Variants in DDR2 observed in about 807,000 individuals in gnomAD.
The protein encoded by DDR2 is discoidin domain receptor tyrosine kinase 2.
In DDR2, 27 loss-of-function variants were observed where a neutral mutation model predicts 94.9. That is an observed-to-expected ratio of 0.28 (90% CI 0.21 to 0.39). The LOEUF is 0.39. Ranked by LOEUF, DDR2 falls within the 10% of genes least tolerant of loss-of-function variation. The probability of loss-of-function intolerance (pLI) is 1.00; values close to 1 mark genes in which losing one functional copy is unlikely to be tolerated. For synonymous variants in DDR2, 382 were observed against 377.2 expected, an observed-to-expected ratio of 1.01 and a Z score of -0.15; for missense variants, 783 against 1,076.0, an observed-to-expected ratio of 0.73 and a Z score of 3.81.
chr1:162,692,399 A>G (rs953043550), intron 2 of DDR2, among the ~76,000 whole-genome samples: 1 of 152,224 alleles, frequency 6.6e-6, no homozygotes, highest in Admixed American at 6.5e-5. Context: ...AGTCAGAGGA[A>G]CTGTTTGGAA....
At chr1:162,694,886 C>T (rs554472271) in intron 2 of DDR2, among the ~76,000 whole-genome samples, 2 of 152,150 alleles carry the variant, frequency 1.3e-5, no homozygotes, top group Admixed American at 6.5e-5. Context: ...CATAATTTCT[C>T]AGACACAGAA....
intron 1 of DDR2, among the ~76,000 whole-genome samples, chr1:162,652,326 G>C (rs1192444392): frequency 6.6e-6 from 1 of 152,200 alleles, no homozygotes; most frequent in Non-Finnish European, 1.5e-5. Context: ...AGATTGGAAA[G>C]CTGAAACAGA....
chr1:162,656,162 C>A (rs548917710), intron 2 of DDR2, among the ~76,000 whole-genome samples: 1 of 152,146 alleles, frequency 6.6e-6, no homozygotes, highest in Non-Finnish European at 1.5e-5. Context: ...TGTCTGAGAC[C>A]TTCCCAGCCT....
At chr1:162,733,913 T>G (rs763765093) in intron 3 of DDR2, among the ~76,000 whole-genome samples, 1 of 152,210 alleles carries the variant, frequency 6.6e-6, no homozygotes, top group Non-Finnish European at 1.5e-5. Flanking sequence ...GTATTTTCCA[T>G]AGCTTCGTCA....
chr1:162,634,920 T>C (rs984176643), intron 1 of DDR2, among the ~76,000 whole-genome samples: 1 of 152,150 alleles, frequency 6.6e-6, no homozygotes, highest in Non-Finnish European at 1.5e-5. Flanking sequence ...ATCCTTTCCC[T>C]GGCATTCCCT....
rs572477441 is a variant in DDR2, at chr1:162,735,827, C to T, written c.82+16682C>T. On this transcript the variant is annotated intron_variant, in intron 3 of 17. Coordinates refer to ENST00000367921, the MANE Select transcript of DDR2 (RefSeq NM_006182.4). ...TAGCTCTGATAAAACTCCTTAGTTG[C>T]CATTCTCAGAATGAGCAGTACGTTA... Among the ~76,000 whole-genome samples, 3 of 152,352 alleles carry T rather than the reference C, an allele frequency of 2.0e-5. No homozygotes were observed. The South Asian group carries it at 6.2e-4, about 32-fold the overall frequency.
chr1:162,678,431 A>C (rs1347339666), intron 2 of DDR2, among the ~76,000 whole-genome samples: 1 of 152,232 alleles, frequency 6.6e-6, no homozygotes, highest in Non-Finnish European at 1.5e-5. Flanking sequence ...GGTCTGTCCT[A>C]CCTGATGTGT....
chr1:162,772,390 T>C lies in DDR2; in HGVS notation c.1728+143T>C, dbSNP rs1704762. 876,392 of 887,354 alleles carry C rather than the reference T, an allele frequency of 0.99. 433,478 individuals are homozygous for C. The highest frequency in any genetic ancestry group is 1 in the East Asian group (37,789 of 37,790). The allele number at this position is 887,354 out of a possible 1,614,324, so 55.0% of individuals were successfully genotyped here. ...CTCTCCTTGCATTGTCCTCTGGATT[T>C]CAGTATTGGGTCAACCTAATCTTTG... On this transcript the variant is annotated intron_variant, in intron 13 of 17. Transcript: ENST00000367921.
At chr1:162,755,040 A>G in intron 5 of DDR2, 116 bp from the exon 6 acceptor site, 1 of 1,481,148 alleles carries the variant, frequency 6.8e-7, no homozygotes, top group South Asian at 1.2e-5. Context: ...AAAGCAGAGT[A>G]GATGCATTCT....
At chr1:162,758,420 A>T (rs1362504630) in intron 7 of DDR2, among the ~76,000 whole-genome samples, 1 of 152,200 alleles carries the variant, frequency 6.6e-6, no homozygotes, top group Non-Finnish European at 1.5e-5. Flanking sequence ...TTATTTTCTT[A>T]TCCCTTCTTC....
intron 3 of DDR2, among the ~76,000 whole-genome samples, chr1:162,740,270 G>T (rs1662524252): frequency 6.6e-6 from 1 of 152,118 alleles, no homozygotes; most frequent in Non-Finnish European, 1.5e-5. Context: ...AGAGAAAGGA[G>T]GCATTCATTG....
intron 17 of DDR2, among the ~76,000 whole-genome samples, chr1:162,779,231 T>C (rs1217393170): frequency 6.6e-6 from 1 of 152,168 alleles, no homozygotes; most frequent in Non-Finnish European, 1.5e-5. Context: ...GGCCCAGTAT[T>C]GTGACATCTC....
At chr1:162,778,887 C>A (rs1165950045) in intron 17 of DDR2, among the ~76,000 whole-genome samples, 158 bp downstream of exon 17, 1 of 152,144 alleles carries the variant, frequency 6.6e-6, no homozygotes, top group Non-Finnish European at 1.5e-5. Context: ...AGACCAGTAT[C>A]CTCCCCAGGC....
At chr1:162,665,493 C>G (rs192817141) in intron 2 of DDR2, among the ~76,000 whole-genome samples, 1 of 152,080 alleles carries the variant, frequency 6.6e-6, no homozygotes, top group African/African-American at 2.4e-5. Context: ...TTGACCCTTC[C>G]TAGCTCATGT....
At chr1:162,741,273 A>G (rs2805030) in intron 3 of DDR2, among the ~76,000 whole-genome samples, 77,059 of 112,494 alleles carry the variant, frequency 0.69, 26,097 homozygotes, top group Non-Finnish European at 0.77. Context: ...GTAATATAAT[A>G]TAATATAATA....
At chr1:162,681,578 T>A (rs1659401971) in intron 2 of DDR2, among the ~76,000 whole-genome samples, 2 of 152,150 alleles carry the variant, frequency 1.3e-5, no homozygotes, top group Non-Finnish European at 2.9e-5. Context: ...GGCTGGGAAA[T>A]CCTAGATCAA....
chr1:162,648,728 A>G (rs141733580), intron 1 of DDR2, among the ~76,000 whole-genome samples: 181 of 152,320 alleles, frequency 1.2e-3, no homozygotes, highest in African/African-American at 3.9e-3. Flanking sequence ...AAGAAAAGCC[A>G]GAGGGATGTG....
intron 9 of DDR2, among the ~76,000 whole-genome samples, chr1:162,763,962 G>T (rs1403957194): frequency 6.6e-6 from 1 of 152,100 alleles, no homozygotes; most frequent in Non-Finnish European, 1.5e-5. Flanking sequence ...TACTAGCAAC[G>T]TAACTATTGA....
At chr1:162,685,561 C>T (rs146336586) in intron 2 of DDR2, among the ~76,000 whole-genome samples, 64 of 151,746 alleles carry the variant, frequency 4.2e-4, no homozygotes, top group African/African-American at 1.4e-3. Context: ...GACAAGTCAA[C>T]TGGTGTTCCT....
Sources: gnomAD v4.1 joint callset for allele counts (sites outside exome capture counted in the v4.1 genomes callset) on GRCh38, gnomAD v4.1.1 for gene constraint, MANE v1.5 for transcripts, NCBI Gene and HGNC (gene_info 2026-07-23, HGNC 2026-07-21) for gene names.